ITPR1: variants seen among roughly 807,000 people sequenced by gnomAD.
The protein encoded by ITPR1 is inositol 1,4,5-trisphosphate-gated calcium channel ITPR1.
In ITPR1, 96 loss-of-function variants were observed where a neutral mutation model predicts 318.4. The ratio of observed to expected loss-of-function variants is 0.30; its 90% CI spans 0.26 to 0.36. The LOEUF is 0.36. Ranked by LOEUF, ITPR1 falls within the 10% of genes least tolerant of loss-of-function variation. The pLI, the probability that ITPR1 is intolerant of heterozygous loss-of-function variation, is 1.00. For synonymous variants in ITPR1, 1,312 were observed against 1,289.9 expected (o/e 1.02, Z -0.37); for missense variants, 2,440 against 3,460.2 (o/e 0.71, Z 7.40).
intron 4 of ITPR1, among the ~76,000 whole-genome samples, chr3:4,602,435 G>A (rs940992813): frequency 6.6e-6 from 1 of 151,418 alleles, no homozygotes; most frequent in Non-Finnish European, 1.5e-5. Flanking sequence ...GACTGAGGTG[G>A]GAGAATGACC....
intron 55 of ITPR1, 116 bp from the exon 56 acceptor site, chr3:4,811,149 T>C (rs754947897): frequency 3.4e-6 from 2 of 587,620 alleles, no homozygotes; most frequent in Non-Finnish European, 5.8e-6. Flanking sequence ...AGATCATATG[T>C]AGTGCTTTTG....
At chr3:4,601,021 A>G (rs1407315986) in intron 4 of ITPR1, among the ~76,000 whole-genome samples, 34 of 152,022 alleles carry the variant, frequency 2.2e-4, no homozygotes, top group Non-Finnish European at 1.5e-5. Context: ...CTAATTGAGG[A>G]ATTCTGTTCT....
chr3:4,777,876 G>T (rs2046579501), intron 48 of ITPR1, among the ~76,000 whole-genome samples: 1 of 152,018 alleles, frequency 6.6e-6, no homozygotes, highest in Non-Finnish European at 1.5e-5. Context: ...TTAGCAGAAG[G>T]GTGGTTAATA....
intron 4 of ITPR1, among the ~76,000 whole-genome samples, chr3:4,582,528 G>C (rs1324017640): frequency 1.3e-5 from 2 of 152,138 alleles, no homozygotes; most frequent in African/African-American, 4.8e-5. Flanking sequence ...CTATTCTGCT[G>C]AGATTTGTGT....
In ITPR1 at chr3:4,494,251, G is replaced by A. The variant is rs528472406; in HGVS notation, c.-92-180G>A. Among the ~76,000 whole-genome samples the A allele has an allele frequency of 8.5e-5, 13 of 152,364 alleles. No homozygotes were observed. In the East Asian group the frequency reaches 2.3e-3, roughly 27 times the overall value. On this transcript the variant is annotated intron_variant, in intron 1 of 61. Coordinates refer to ENST00000649015, the MANE Select transcript of ITPR1 (RefSeq NM_001378452.1). ...AGTTACATCCTGGAAATAAGTAAGC[G>A]TAGTTACCTGGAATCTTCGCCCAAG...
At chr3:4,815,286 C>A in intron 59 of ITPR1, 68 bp downstream of exon 59, 5 of 1,513,044 alleles carry the variant, frequency 3.3e-6, no homozygotes, top group South Asian at 2.4e-5. Flanking sequence ...GTGGATACTG[C>A]GAGGGTGTGA....
chr3:4,668,615 G>A (rs941783713), intron 18 of ITPR1, among the ~76,000 whole-genome samples: 2 of 152,158 alleles, frequency 1.3e-5, no homozygotes, highest in South Asian at 2.1e-4. Context: ...CTACAGGCAC[G>A]TGCCACCACA....
At chr3:4,793,781 A>T (rs974740147) in intron 52 of ITPR1, among the ~76,000 whole-genome samples, 2 of 152,206 alleles carry the variant, frequency 1.3e-5, no homozygotes, top group Non-Finnish European at 2.9e-5. Flanking sequence ...CCTCATTTAT[A>T]CAATGAGGGA....
chr3:4,655,787 C>T (rs1259044065), intron 12 of ITPR1, among the ~76,000 whole-genome samples: 1 of 152,124 alleles, frequency 6.6e-6, no homozygotes, highest in Non-Finnish European at 1.5e-5. Context: ...ACTCTGGCTA[C>T]TTCGATGTTG....
Position 4,516,141 on chromosome 3 carries a change from A to G in ITPR1, c.-16-335A>G, listed in dbSNP as rs113895575. Among the ~76,000 whole-genome samples, 1,359 of 152,304 alleles carry G rather than the reference A, an allele frequency of 8.9e-3. 23 individuals carry two copies. Among genetic ancestry groups the G allele is most frequent in the African/African-American group, 0.031 (1,276 of 41,560 alleles). On this transcript the variant is annotated intron_variant, in intron 2 of 61. Transcript: ENST00000649015. ...TCCAGGTAACTCCCTAGTCACTGCCACGTTCTTGGCTGAGTTCCCTGCAGG... is the reference window on the plus strand; with the variant it reads ...TCCAGGTAACTCCCTAGTCACTGCCGCGTTCTTGGCTGAGTTCCCTGCAGG...
chr3:4,839,259 G>A (rs375480516), intron 61 of ITPR1, among the ~76,000 whole-genome samples: 2 of 152,062 alleles, frequency 1.3e-5, no homozygotes, highest in Non-Finnish European at 1.5e-5. Context: ...CCCAGGAGGC[G>A]GAGGTTGTGG....
At chr3:4,695,726 A>G (rs2094547370) in intron 33 of ITPR1, among the ~76,000 whole-genome samples, 1 of 152,172 alleles carries the variant, frequency 6.6e-6, no homozygotes, top group Non-Finnish European at 1.5e-5. Context: ...GTTAAGGTTG[A>G]TCCACCCTGA....
chr3:4,600,501 C>T (rs2639808), intron 4 of ITPR1, among the ~76,000 whole-genome samples: 82,946 of 151,238 alleles, frequency 0.55, 23,223 homozygotes, highest in South Asian at 0.67. Flanking sequence ...TGTGTGTGTG[C>T]GTGTTTGTGT....
At chr3:4,593,809 G>C (rs1293712438) in intron 4 of ITPR1, among the ~76,000 whole-genome samples, 3 of 152,190 alleles carry the variant, frequency 2.0e-5, no homozygotes, top group Admixed American at 6.5e-5. Flanking sequence ...CACAGGATAT[G>C]GTGGGAGAAG....
At chr3:4,617,326 A>T (rs2092425583) in intron 4 of ITPR1, among the ~76,000 whole-genome samples, 1 of 152,160 alleles carries the variant, frequency 6.6e-6, no homozygotes, top group African/African-American at 2.4e-5. Context: ...TCAAGGTGCC[A>T]GCAGGTTTTG....
At chr3:4,644,024 AT>A in intron 7 of ITPR1, 111 bp from the exon 8 acceptor site, 1 of 697,466 alleles carries the variant, frequency 1.4e-6, no homozygotes, top group South Asian at 1.5e-5. Flanking sequence ...CTTGCTGGGG[AT>A]AGGCCTTGCC....
At chr3:4,752,238 C>T (rs2044587444) in intron 44 of ITPR1, among the ~76,000 whole-genome samples, 1 of 152,196 alleles carries the variant, frequency 6.6e-6, no homozygotes. Flanking sequence ...CTCCTTGCAA[C>T]ACAAACCCAC....
intron 50 of ITPR1, among the ~76,000 whole-genome samples, 198 bp from the exon 51 acceptor site, chr3:4,783,618 A>G (rs1315762643): frequency 6.6e-6 from 1 of 152,220 alleles, no homozygotes; most frequent in African/African-American, 2.4e-5. Context: ...CGAGCTTTCC[A>G]TGCTTTTCTA....
At chr3:4,663,885 A>G (rs897250281) in intron 16 of ITPR1, among the ~76,000 whole-genome samples, 2 of 152,178 alleles carry the variant, frequency 1.3e-5, no homozygotes, top group East Asian at 1.9e-4. Context: ...AGAATGTGAC[A>G]TGGTTGGAAT....
Sources: gnomAD v4.1 joint callset for allele counts (sites outside exome capture counted in the v4.1 genomes callset) on GRCh38, gnomAD v4.1.1 for gene constraint, MANE v1.5 for transcripts, NCBI Gene and HGNC (gene_info 2026-07-23, HGNC 2026-07-21) for gene names.